MEGF10: variants seen among roughly 807,000 people sequenced by gnomAD.
MEGF10 encodes the protein multiple epidermal growth factor-like domains protein 10.
In MEGF10, 86 loss-of-function variants were observed where a neutral mutation model predicts 147.5. The ratio of observed to expected loss-of-function variants is 0.58; its 90% confidence interval spans 0.49 to 0.70. The LOEUF is 0.70. Among genes scored for constraint, MEGF10 ranks in the 30% least tolerant of loss-of-function variants. The pLI, the probability that MEGF10 is intolerant of heterozygous loss-of-function variation, is 0.00. For missense variants in MEGF10, 1,329 were observed against 1,487.3 expected, an observed-to-expected ratio of 0.89 and a Z score of 1.75; for synonymous variants, 478 against 525.5, an observed-to-expected ratio of 0.91 and a Z score of 1.24.
At chr5:127,341,844 G>A (rs1408132834) in intron 4 of MEGF10, among the ~76,000 whole-genome samples, 3 of 152,098 alleles carry the variant, frequency 2.0e-5, no homozygotes, top group Admixed American at 2.0e-4. Flanking sequence ...CTGTTGAATG[G>A]TCACACAATT....
At chr5:127,385,810 A>G (rs1430729408) in intron 5 of MEGF10, among the ~76,000 whole-genome samples, 2 of 152,194 alleles carry the variant, frequency 1.3e-5, no homozygotes, top group East Asian at 1.9e-4. Flanking sequence ...AACAACAACA[A>G]TAACAACAAC....
intron 2 of MEGF10, among the ~76,000 whole-genome samples, chr5:127,335,215 T>G (rs1761414934): frequency 6.6e-6 from 1 of 152,188 alleles, no homozygotes; most frequent in African/African-American, 2.4e-5. Flanking sequence ...GCTTTAAATG[T>G]TCTATAGTGA....
chr5:127,327,189 A>T (rs1204589367), intron 1 of MEGF10, among the ~76,000 whole-genome samples: 1 of 152,230 alleles, frequency 6.6e-6, no homozygotes, highest in Non-Finnish European at 1.5e-5. Flanking sequence ...AGCAATGCTA[A>T]TCAGTTGTAC....
At chr5:127,307,527 G>A (rs1760070099) in intron 1 of MEGF10, among the ~76,000 whole-genome samples, 1 of 152,200 alleles carries the variant, frequency 6.6e-6, no homozygotes, top group Non-Finnish European at 1.5e-5. Context: ...TAATATCTGT[G>A]GGGCAGCTGT....
At chr5:127,236,234 G>A in the MEGF10 span, among the ~76,000 whole-genome samples, 5 of 152,162 alleles carry the variant, frequency 3.3e-5, no homozygotes, top group Admixed American at 6.5e-5. Context: ...GCCTCCCAAA[G>A]TGCTGGGATT....
At chr5:127,243,686 A>T in the MEGF10 span, among the ~76,000 whole-genome samples, 1 of 152,192 alleles carries the variant, frequency 6.6e-6, no homozygotes, top group African/African-American at 2.4e-5. Context: ...GTGTATCATC[A>T]TCAGAAACTT....
At chr5:127,272,135 A>T in the MEGF10 span, among the ~76,000 whole-genome samples, 1 of 152,274 alleles carries the variant, frequency 6.6e-6, no homozygotes, top group South Asian at 2.1e-4. Context: ...GTCCAGTTTC[A>T]ATTTTCTGCA....
chr5:127,410,476 G>A lies in MEGF10; in HGVS notation c.1005G>A (p.Val335=), dbSNP rs750148870. The A allele has an allele frequency of 6.2e-6, 10 of 1,614,078 alleles. No individual in the cohort carries two copies. Among genetic ancestry groups the A allele is most frequent in the Admixed American group, 1.7e-5 (1 of 60,012 alleles). ...QCVNGGKCYH[V]SGACLCEAGF... The stretch of plus-strand genomic sequence containing the variant: ...TCAACGGAGGGAAGTGTTACCACGT[G>A]AGCGGCGCATGCCTCTGTGAAGCAG... The change falls in exon 9 of 25, where the codon GTG becomes GTA. Residue 335 remains valine, a synonymous_variant. Transcript: ENST00000503335.
chr5:127,397,231 G>A (rs1194151034), intron 6 of MEGF10, among the ~76,000 whole-genome samples: 2 of 152,142 alleles, frequency 1.3e-5, no homozygotes, highest in Non-Finnish European at 2.9e-5. Context: ...GAGAAAAGGA[G>A]GAAGGTGTTA....
intron 1 of MEGF10, among the ~76,000 whole-genome samples, chr5:127,305,284 A>G (rs1276115172): frequency 2.6e-5 from 4 of 152,194 alleles, no homozygotes; most frequent in Admixed American, 1.3e-4. Flanking sequence ...AAGAGTCTGG[A>G]CAGTTTGTAT....
intron 11 of MEGF10, among the ~76,000 whole-genome samples, 192 bp downstream of exon 11, chr5:127,419,432 T>C (rs947945725): frequency 6.6e-6 from 1 of 152,154 alleles, no homozygotes; most frequent in Non-Finnish European, 1.5e-5. Flanking sequence ...CATTAGATGA[T>C]CTCTGAAGTC....
Position 127,422,657 on chromosome 5 carries a change from G to C in MEGF10, c.1591-13G>C. The C allele has an allele frequency of 6.2e-7, 1 of 1,611,860 alleles. No homozygotes were observed. The highest frequency in any genetic ancestry group is 8.5e-7 in the Non-Finnish European group (1 of 1,178,036). On this transcript the variant is annotated splice_polypyrimidine_tract_variant and intron_variant, in intron 12 of 24. Coordinates refer to ENST00000503335, the MANE Select transcript of MEGF10 (RefSeq NM_001256545.2). ...GGCCCTCATTGCTGCCTTTGATGCT[G>C]TTTTCCATGCAGGATGGCACGTACG...
intron 13 of MEGF10, among the ~76,000 whole-genome samples, chr5:127,424,071 A>T (rs1040509068): frequency 1.3e-5 from 2 of 152,314 alleles, no homozygotes; most frequent in East Asian, 3.9e-4. Flanking sequence ...TAGGGGTCCA[A>T]CTTAATTCTT....
chr5:127,271,913 C>A, the MEGF10 span, among the ~76,000 whole-genome samples: 1 of 152,150 alleles, frequency 6.6e-6, no homozygotes, highest in Non-Finnish European at 1.5e-5. Flanking sequence ...TTTTCCTGTG[C>A]AGAAGCTCTT....
intron 1 of MEGF10, among the ~76,000 whole-genome samples, chr5:127,325,030 GGAGACATT>G (rs1265517420): frequency 1.3e-5 from 2 of 152,138 alleles, no homozygotes; most frequent in African/African-American, 4.8e-5. Context: ...TGACTTCCAG[GGAGACATT>G]TAATCTCAGT....
the MEGF10 span, among the ~76,000 whole-genome samples, chr5:127,261,786 T>A: frequency 1.6e-4 from 24 of 152,244 alleles, no homozygotes; most frequent in African/African-American, 3.6e-4. Flanking sequence ...TTTAAAAAAA[T>A]TTTATTATTG....
At chr5:127,366,425 C>G (rs1407596702) in intron 4 of MEGF10, among the ~76,000 whole-genome samples, 1 of 152,150 alleles carries the variant, frequency 6.6e-6, no homozygotes, top group East Asian at 1.9e-4. Flanking sequence ...ATTTTGTGTT[C>G]TTTCCTTTTA....
intron 1 of MEGF10, among the ~76,000 whole-genome samples, chr5:127,320,276 G>A (rs575497268): frequency 6.6e-6 from 1 of 152,112 alleles, no homozygotes; most frequent in Admixed American, 6.6e-5. Context: ...ATGGCATCAG[G>A]TCCTGAATTT....
At chr5:127,346,190 G>A (rs368646814) in intron 4 of MEGF10, among the ~76,000 whole-genome samples, 55 of 151,972 alleles carry the variant, frequency 3.6e-4, no homozygotes, top group East Asian at 2.7e-3. Context: ...TATCTTTTTC[G>A]TATAATGACT....
Sources: allele counts gnomAD v4.1 joint callset (sites outside exome capture counted in the v4.1 genomes callset), GRCh38; gene constraint gnomAD v4.1.1; transcripts MANE v1.5; gene names NCBI Gene and HGNC (gene_info 2026-07-23, HGNC 2026-07-21).